Variants in VASP observed in about 807,000 individuals in gnomAD.
VASP encodes vasodilator stimulated phosphoprotein.
A neutral mutation model predicts 54.4 loss-of-function variants in VASP; 27 were observed. The observed-to-expected ratio is 0.50, with a 90% CI of 0.37 to 0.68. The LOEUF is 0.68. Among genes scored for constraint, VASP ranks in the 30% least tolerant of loss-of-function variants. The probability of loss-of-function intolerance (pLI) is 0.00; values close to 1 mark genes in which losing one functional copy is unlikely to be tolerated. For synonymous variants in VASP, 233 were observed against 209.8 expected, an observed-to-expected ratio of 1.11 and a Z score of -0.96; for missense variants, 488 against 528.3, an observed-to-expected ratio of 0.92 and a Z score of 0.75.
At position 45,526,125 on chromosome 19, in the gene VASP, C is replaced by T; in HGVS notation, c.1106-15C>T. The T allele has an allele frequency of 6.2e-7, 1 of 1,613,772 alleles. No homozygotes were observed. The highest frequency in any genetic ancestry group is 1.1e-5 in the South Asian group (1 of 91,042). ...GAGACTCTGCCCCTGACCTCTGCTC[C>T]TTGTTTCCTTCCAGCCTTCGTCCAG... On this transcript the variant is annotated splice_polypyrimidine_tract_variant and intron_variant, in intron 12 of 12. Coordinates refer to ENST00000245932, the MANE Select transcript of VASP (RefSeq NM_003370.4).
Position 45,526,723 on chromosome 19 carries a change from T to C in VASP, c.*546T>C, listed in dbSNP as rs10156. On this transcript the variant is annotated 3_prime_UTR_variant, in exon 13 of 13. Transcript: ENST00000245932. The stretch of plus-strand genomic sequence containing the variant: ...ATGTCTCACCGGGCTGGGGGTGAGA[T>C]ATCCCCCCACCCCAGGGACTCCCCT... The C allele has an allele frequency of 0.76, 115,309 of 151,756 alleles. 44,044 individuals are homozygous for C. Among genetic ancestry groups the C allele is most frequent in the South Asian group, 0.83 (4,005 of 4,804 alleles). The allele number at this position is 151,756 out of a possible 1,614,324, so 9.4% of individuals were successfully genotyped here. A position where few individuals can be genotyped will look rare whatever the true frequency, so the allele number is the denominator to read the frequency against.
chr19:45,514,684 G>A (rs1420197293), intron 1 of VASP, among the ~76,000 whole-genome samples: 1 of 152,198 alleles, frequency 6.6e-6, no homozygotes, highest in Admixed American at 6.5e-5. Flanking sequence ...GCCAGGGCGG[G>A]GCAGCAGCAG....
chr19:45,517,266 A>G (rs1317904868), intron 1 of VASP, among the ~76,000 whole-genome samples: 2 of 151,934 alleles, frequency 1.3e-5, no homozygotes, highest in Admixed American at 1.3e-4. Context: ...TGCTGGGATT[A>G]CAGGTGTGAG....
At chr19:45,518,826 G>A (rs754266599) in intron 3 of VASP, among the ~76,000 whole-genome samples, 2 of 151,734 alleles carry the variant, frequency 1.3e-5, no homozygotes, top group African/African-American at 4.8e-5. Context: ...CACCATACTT[G>A]GCTCTTTTTT....
intron 11 of VASP, chr19:45,525,173 T>G (rs1968933677): frequency 6.4e-6 from 1 of 156,174 alleles, no homozygotes; most frequent in African/African-American, 2.4e-5. Context: ...TTCAGCACAT[T>G]GCGAGGCTGA....
chr19:45,518,007 C>G lies in VASP; in HGVS notation c.256C>G (p.Arg86Gly). Reference sequence around the variant, plus strand: ...CAACTTCCATCAGTGGCGCGACGCTCGCCAGGTCTGGGGCCTCAACTTCGG... The same window carrying G: ...CAACTTCCATCAGTGGCGCGACGCTGGCCAGGTCTGGGGCCTCAACTTCGG... The part of the protein sequence containing the change: ...TPNFHQWRDA[R>G]QVWGLNFGSK... The change falls in exon 3 of 13, where the codon CGC becomes GGC. Residue 86 changes from arginine (R) to glycine (G), a missense_variant. Around this residue, in one of 4 missense-constraint regions of VASP, gnomAD observed 127 missense variants for 170.7 expected, o/e 0.74. Transcript: ENST00000245932. 1 of 1,613,978 alleles carries G rather than the reference C, an allele frequency of 6.2e-7. No homozygotes were observed. Among genetic ancestry groups the G allele is most frequent in the Non-Finnish European group, 8.5e-7 (1 of 1,180,002 alleles).
chr19:45,515,076 G>A (rs891237002), intron 1 of VASP, among the ~76,000 whole-genome samples: 2 of 152,170 alleles, frequency 1.3e-5, no homozygotes, highest in African/African-American at 4.8e-5. Flanking sequence ...TAGTAAGAGG[G>A]AGATGGCACA....
Position 45,522,503 on chromosome 19 carries a change from G to C in VASP, c.642G>C (p.Gln214His). The C allele has an allele frequency of 6.9e-7, 1 of 1,459,558 alleles. No individual in the cohort carries two copies. Among genetic ancestry groups the C allele is most frequent in the South Asian group, 1.4e-5 (1 of 69,054 alleles). 90.4% of individuals were successfully genotyped at this position (1,459,558 alleles called of 1,614,324 possible). The change falls in exon 6 of 13, where the codon CAG (glutamine) becomes CAC (histidine). Residue 214 changes from glutamine (Q) to histidine (H), a missense_variant. Physicochemically the swap from Gln to His is conservative, Grantham distance 24. Coordinates refer to ENST00000245932, the MANE Select transcript of VASP (RefSeq NM_003370.4). The part of the protein sequence containing the change: ...PPPAPPLPAA[Q>H]GPGGGGAGAP... ...CTGCACCCCCTCTCCCGGCAGCACA[G>C]GGCCCTGGTGGTGGGGGAGCTGGGG...
chr19:45,514,263 G>A (rs1244793680), intron 1 of VASP, among the ~76,000 whole-genome samples: 3 of 152,166 alleles, frequency 2.0e-5, no homozygotes, highest in African/African-American at 7.2e-5. Context: ...AGTGGAGCGG[G>A]AAGAAATGAG....
At chr19:45,516,275 A>C (rs2122303468) in intron 1 of VASP, among the ~76,000 whole-genome samples, 1 of 152,290 alleles carries the variant, frequency 6.6e-6, no homozygotes, top group Admixed American at 6.5e-5. Flanking sequence ...AGCCCCACCC[A>C]ATATAGGCCA....
chr19:45,515,566 T>G lies in VASP; in HGVS notation c.6-2097T>G, dbSNP rs191910528. ...TTTTTCTTTTTTTTGAAACAGAGTT[T>G]CACTCTGTCGCCCAGGCTGGAGTGC... On this transcript the variant is annotated intron_variant, in intron 1 of 12. Coordinates refer to ENST00000245932, the MANE Select transcript of VASP (RefSeq NM_003370.4). Among the ~76,000 whole-genome samples the G allele has an allele frequency of 3.6e-3, 548 of 152,204 alleles. 2 individuals are homozygous for G. Among genetic ancestry groups the G allele is most frequent in the African/African-American group, 0.012 (512 of 41,528 alleles).
At position 45,522,163 on chromosome 19, in the gene VASP, C is replaced by A. The variant is rs769917872; in HGVS notation, c.429-5C>A. ...TGACGGCAGCTCTCTCGCCTCCCCC[C>A]ACAGGCAGCAGCCCGGCCCGTCGGA... On this transcript the variant is annotated splice_region_variant and splice_polypyrimidine_tract_variant and intron_variant, in intron 4 of 12. Coordinates refer to ENST00000245932, the MANE Select transcript of VASP (RefSeq NM_003370.4). 34 of 1,613,824 alleles carry A rather than the reference C, an allele frequency of 2.1e-5. No homozygotes were observed. Among genetic ancestry groups the A allele is most frequent in the African/African-American group, 2.0e-4 (15 of 75,046 alleles).
chr19:45,507,713 G>A lies in VASP; in HGVS notation c.-59G>A. On this transcript the variant is annotated 5_prime_UTR_variant, in exon 1 of 13. Coordinates refer to ENST00000245932, the MANE Select transcript of VASP (RefSeq NM_003370.4). This position sits in a 1 kb window ranked among gnomAD's most constrained non-coding sequence, Gnocchi z 4.4. ...CCAGCCCCGAACCCCTGAACCTCCA[G>A]CCAGGGGCGCCCCGGGAGCAGCCAG... The A allele has an allele frequency of 6.6e-7, 1 of 1,513,700 alleles. No homozygotes were observed. Among genetic ancestry groups the A allele is most frequent in the South Asian group, 1.2e-5 (1 of 82,848 alleles). 93.8% of individuals were successfully genotyped at this position (1,513,700 alleles called of 1,614,324 possible). A position where few individuals can be genotyped will look rare whatever the true frequency, so the allele number is the denominator to read the frequency against.
At chr19:45,510,048 G>A (rs1159051668) in intron 1 of VASP, among the ~76,000 whole-genome samples, 8 of 152,182 alleles carry the variant, frequency 5.3e-5, no homozygotes, top group Non-Finnish European at 2.9e-5. Flanking sequence ...ACAGAGAAGC[G>A]AGGCAGAGGT....
chr19:45,510,975 TAA>T (rs1330154042), intron 1 of VASP, among the ~76,000 whole-genome samples: 1 of 151,042 alleles, frequency 6.6e-6, no homozygotes, highest in Non-Finnish European at 1.5e-5. Context: ...TCCGTGTTCT[TAA>T]TGAAGAAAAA....
Position 45,517,660 on chromosome 19 carries a change from C to T in VASP, c.6-3C>T. 1 of 1,606,328 alleles carries T rather than the reference C, an allele frequency of 6.2e-7. No individual in the cohort carries two copies. The highest frequency in any genetic ancestry group is 1.3e-5 in the African/African-American group (1 of 75,060). On this transcript the variant is annotated splice_polypyrimidine_tract_variant and splice_region_variant and intron_variant, in intron 1 of 12. Transcript: ENST00000245932. ...CCCCTCTCCCTTTTCCTCCCGCCTG[C>T]AGCGAGACGGTCATCTGTTCCAGCC...
At chr19:45,508,594 C>A (rs998611961) in intron 1 of VASP, among the ~76,000 whole-genome samples, 1 of 152,164 alleles carries the variant, frequency 6.6e-6, no homozygotes, top group African/African-American at 2.4e-5. Context: ...TCCTGACTCA[C>A]CTGTCGAGAC....
intron 3 of VASP, among the ~76,000 whole-genome samples, chr19:45,518,422 C>T (rs1255927951): frequency 4.0e-5 from 6 of 151,854 alleles, no homozygotes; most frequent in African/African-American, 1.2e-4. Context: ...ATTAGCTGGG[C>T]GTGGTGGTGC....
rs1487238360 is a variant in VASP at position 45,507,805 on chromosome 19, CCCGCCCGGGCGGGCT to C, written c.5+34_5+48del. ...AGCCGGACCTGCCCCCCGACCCGTC[CCCGCCCGGGCGGGCT>C]CCGCGCCCCGCCTTTGTCCCCCTCC... is the stretch of plus-strand genomic sequence containing the variant. On this transcript the variant is annotated intron_variant, in intron 1 of 12. Coordinates refer to ENST00000245932, the MANE Select transcript of VASP (RefSeq NM_003370.4). The surrounding 1 kb of genome is among the most constrained non-coding windows in gnomAD (Gnocchi z 4.4). 2.2e-6 allele frequency: 3 copies of C among 1,376,716 alleles called. No homozygotes were observed. The highest frequency in any genetic ancestry group is 3.8e-5 in the Admixed American group (1 of 26,474). The allele number at this position is 1,376,716 out of a possible 1,614,324, so 85.3% of individuals were successfully genotyped here. A position where few individuals can be genotyped will look rare whatever the true frequency, so the allele number is the denominator to read the frequency against.
Sources: allele counts gnomAD v4.1 joint callset (sites outside exome capture counted in the v4.1 genomes callset), GRCh38; gene constraint gnomAD v4.1.1; regional missense constraint gnomAD v4.1.1; non-coding constraint Gnocchi (gnomAD v3.1); transcripts MANE v1.5; gene names NCBI Gene and HGNC (gene_info 2026-07-23, HGNC 2026-07-21).